FRMPD4: variants seen among roughly 807,000 people sequenced by gnomAD.
FRMPD4 encodes FERM and PDZ domain-containing protein 4.
Under a neutral mutation model 94.1 loss-of-function variants are expected in FRMPD4, and 22 were observed. The ratio of observed to expected loss-of-function variants is 0.23; its 90% confidence interval spans 0.17 to 0.33. FRMPD4 has a LOEUF of 0.33. Among genes scored for constraint, FRMPD4 ranks in the 10% least tolerant of loss-of-function variants. The probability of loss-of-function intolerance (pLI) is 1.00; values close to 1 mark genes in which losing one functional copy is unlikely to be tolerated. For synonymous variants in FRMPD4, 631 were observed against 548.6 expected (o/e 1.15, Z -2.10); for missense variants, 1,111 against 1,339.9 (o/e 0.83, Z 2.67).
intron 14 of FRMPD4, among the ~76,000 whole-genome samples, chrX:12,713,502 G>A (rs55649145): frequency 0.027 from 2,782 of 102,959 alleles, 105 homozygotes; most frequent in African/African-American, 0.094. Context: ...GAGAGAGAGA[G>A]AGACAGAGAG....
At chrX:12,293,560 G>A (rs1021009080) in intron 1 of FRMPD4, among the ~76,000 whole-genome samples, 1 of 112,623 alleles carries the variant, frequency 8.9e-6, no homozygotes, top group Non-Finnish European at 1.9e-5. Flanking sequence ...CTTGTATTGC[G>A]TAAGCCAAGG....
chrX:12,547,274 G>C, intron 2 of FRMPD4, among the ~76,000 whole-genome samples: 1 of 111,095 alleles, frequency 9.0e-6, no homozygotes, highest in Non-Finnish European at 1.9e-5. Flanking sequence ...CACACAGCTA[G>C]CAAACAGCAG....
chrX:12,195,646 G>A (rs923211508), intron 1 of FRMPD4, among the ~76,000 whole-genome samples: 3 of 111,773 alleles, frequency 2.7e-5, no homozygotes, highest in African/African-American at 9.7e-5. Context: ...AGGAAAGCAG[G>A]TGTTTAGTGT....
rs1569186587 is a variant in FRMPD4, at chrX:12,193,805, AGGAAGGAAGGAAGGAAGGAAGGAGG to A, written c.41+54795_41+54819del. On this transcript the variant is annotated intron_variant, in intron 1 of 16. Transcript: ENST00000675598. ...AAGGAAGGAAGGAAGGAAGGAAGGA[AGGAAGGAAGGAAGGAAGGAAGGAGG>A]GAAGGAAGAAAGAAAAGAAAGAAAA... Among the ~76,000 whole-genome samples, 107 of 29,056 alleles carry A rather than the reference AGGAAGGAAGGAAGGAAGGAAGGAGG, an allele frequency of 3.7e-3. 15 individuals are homozygous for A. Among genetic ancestry groups the A allele is most frequent in the Middle Eastern group, 0.016 (1 of 64 alleles). The allele number at this position is 29,056 out of a possible 115,157, so 25.2% of individuals were successfully genotyped here.
chrX:12,447,077 C>G (rs1477941943), intron 1 of FRMPD4, among the ~76,000 whole-genome samples: 1 of 111,386 alleles, frequency 9.0e-6, no homozygotes, highest in East Asian at 2.8e-4. Context: ...CAGCCAAAGA[C>G]TAGATCCCAG....
intron 3 of FRMPD4, among the ~76,000 whole-genome samples, chrX:12,124,199 C>A (rs1158954925): frequency 2.7e-5 from 3 of 112,250 alleles, no homozygotes; most frequent in African/African-American, 9.7e-5. Context: ...CCCCTAACAC[C>A]ATGTTCCTTG....
At chrX:12,335,894 C>T (rs911171168) in intron 1 of FRMPD4, among the ~76,000 whole-genome samples, 2 of 112,075 alleles carry the variant, frequency 1.8e-5, no homozygotes, top group African/African-American at 3.2e-5. Flanking sequence ...TCATTTATTT[C>T]GCCTCAATCA....
chrX:12,114,312 C>G (rs2147527560), intron 3 of FRMPD4, among the ~76,000 whole-genome samples: 1 of 110,347 alleles, frequency 9.1e-6, no homozygotes, highest in Admixed American at 9.6e-5. Context: ...ATATTTTTTT[C>G]TATCTGTCTT....
chrX:12,319,557 A>G (rs893557222), intron 1 of FRMPD4, among the ~76,000 whole-genome samples: 5 of 111,793 alleles, frequency 4.5e-5, no homozygotes, highest in African/African-American at 1.6e-4. Flanking sequence ...TCTGCCCCCA[A>G]GTAGCATCGC....
intron 1 of FRMPD4, among the ~76,000 whole-genome samples, chrX:12,313,884 TCA>T (rs1441351684): frequency 8.9e-6 from 1 of 112,082 alleles, no homozygotes; most frequent in Non-Finnish European, 1.9e-5. Context: ...CTAAAATTTC[TCA>T]GTCTTCAAGA....
At chrX:12,567,614 C>A (rs1602142359) in intron 2 of FRMPD4, among the ~76,000 whole-genome samples, 1 of 111,660 alleles carries the variant, frequency 9.0e-6, no homozygotes, top group Non-Finnish European at 1.9e-5. Context: ...TGGGGTGATG[C>A]CTACATGGTG....
Position 12,068,896 on chromosome X carries a change from A to G in FRMPD4, c.95+190878A>G, listed in dbSNP as rs778107325. 2.7e-5 allele frequency among the ~76,000 whole-genome samples: 3 copies of G among 112,664 alleles called. No individual in the cohort carries two copies. In the South Asian group the frequency reaches 1.1e-3, roughly 41 times the overall value. On this transcript the variant is annotated intron_variant, in intron 3 of 18. Coordinates refer to the FRMPD4 transcript ENST00000640291. ...AATTCTAGGAACTTTATAAGAAAAA[A>G]TAAACTTTCTGCTCCTGAAGTGCTT...
chrX:12,137,703 A>G (rs994753762), upstream of FRMPD4, among the ~76,000 whole-genome samples: 1 of 112,587 alleles, frequency 8.9e-6, no homozygotes, highest in Non-Finnish European at 1.9e-5. Flanking sequence ...CAAGGTAATT[A>G]TGTAAAAGAG....
intron 3 of FRMPD4, among the ~76,000 whole-genome samples, chrX:12,007,340 T>G (rs1225038228): frequency 8.9e-6 from 1 of 112,429 alleles, no homozygotes; most frequent in African/African-American, 3.2e-5. Flanking sequence ...ACCTTGGAGA[T>G]TGAGCAGAAA....
At chrX:12,170,974 A>T (rs1406082761) in intron 1 of FRMPD4, among the ~76,000 whole-genome samples, 1 of 113,440 alleles carries the variant, frequency 8.8e-6, no homozygotes, top group Non-Finnish European at 1.9e-5. Context: ...AGATTCCTAG[A>T]TGATAGCGCA....
chrX:11,912,339 G>A (rs1423737722), intron 3 of FRMPD4, among the ~76,000 whole-genome samples: 1 of 112,455 alleles, frequency 8.9e-6, no homozygotes, highest in African/African-American at 3.2e-5. Context: ...TCACAAAGGG[G>A]AACATTTACT....
chrX:12,070,568 G>A (rs765019098), intron 3 of FRMPD4, among the ~76,000 whole-genome samples: 36 of 111,244 alleles, frequency 3.2e-4, no homozygotes, highest in Non-Finnish European at 4.3e-4. Context: ...TCATTCTGTC[G>A]CCTCTAAACA....
chrX:12,257,005 A>G (rs2054123647), intron 1 of FRMPD4, among the ~76,000 whole-genome samples: 1 of 112,240 alleles, frequency 8.9e-6, no homozygotes, highest in African/African-American at 3.2e-5. Context: ...TCCAGAAAAG[A>G]TGTTCACTGC....
intron 1 of FRMPD4, among the ~76,000 whole-genome samples, chrX:12,289,400 A>G (rs956080135): frequency 8.9e-6 from 1 of 112,077 alleles, no homozygotes; most frequent in African/African-American, 3.2e-5. Context: ...TTGAAATTGT[A>G]ATTAACAACA....
Sources: gnomAD v4.1 joint callset for allele counts (sites outside exome capture counted in the v4.1 genomes callset) on GRCh38, gnomAD v4.1.1 for gene constraint, MANE v1.5 for transcripts, NCBI Gene and HGNC (gene_info 2026-07-23, HGNC 2026-07-21) for gene names.